SLC25A12: variants seen among roughly 807,000 people sequenced by gnomAD.
SLC25A12 encodes solute carrier family 25 member 12.
A neutral mutation model predicts 83.3 loss-of-function variants in SLC25A12; 32 were observed. The ratio of observed to expected loss-of-function variants is 0.38; its 90% confidence interval spans 0.29 to 0.52. The LOEUF is 0.52. Ranked by LOEUF, SLC25A12 falls within the 20% of genes least tolerant of loss-of-function variation. The probability of loss-of-function intolerance (pLI) is 0.84; values close to 1 mark genes in which losing one functional copy is unlikely to be tolerated. For synonymous variants in SLC25A12, 267 were observed against 291.1 expected (o/e 0.92, Z 0.84); for missense variants, 611 against 835.6 (o/e 0.73, Z 3.31).
intron 2 of SLC25A12, among the ~76,000 whole-genome samples, chr2:171,885,240 T>G (rs1321858222): frequency 6.6e-6 from 1 of 151,940 alleles, no homozygotes; most frequent in African/African-American, 2.4e-5. Flanking sequence ...TAACACTAAT[T>G]TTCTTATCTT....
intron 2 of SLC25A12, 63 bp from the exon 3 acceptor site, chr2:171,868,886 A>G (rs1685402056): frequency 1.4e-6 from 2 of 1,387,832 alleles, no homozygotes; most frequent in Admixed American, 1.8e-5. Flanking sequence ...TATCCAATAA[A>G]TGGTTTGTGA....
chr2:171,819,320 A>G (rs1481072646), intron 9 of SLC25A12, among the ~76,000 whole-genome samples: 2 of 125,118 alleles, frequency 1.6e-5, no homozygotes, highest in African/African-American at 3.0e-5. Flanking sequence ...TATATATAAT[A>G]CATAATATAT....
intron 13 of SLC25A12, among the ~76,000 whole-genome samples, chr2:171,795,479 GAA>G (rs1683579017): frequency 6.6e-6 from 1 of 152,166 alleles, no homozygotes; most frequent in African/African-American, 2.4e-5. Flanking sequence ...CAAATCAATT[GAA>G]AAAGTTTACT....
intron 5 of SLC25A12, among the ~76,000 whole-genome samples, chr2:171,840,490 A>C (rs576553656): frequency 6.6e-6 from 1 of 152,252 alleles, no homozygotes; most frequent in East Asian, 1.9e-4. Flanking sequence ...CTTTAAAAAA[A>C]CAACAAAGAA....
chr2:171,823,252 T>A (rs959268017), intron 9 of SLC25A12, among the ~76,000 whole-genome samples: 23 of 152,230 alleles, frequency 1.5e-4, no homozygotes, highest in Non-Finnish European at 3.4e-4. Flanking sequence ...CCTTATAAAA[T>A]TTTAAATGTT....
chr2:171,876,408 G>T (rs1685571607), intron 2 of SLC25A12, among the ~76,000 whole-genome samples: 1 of 152,082 alleles, frequency 6.6e-6, no homozygotes, highest in African/African-American at 2.4e-5. Context: ...AGGGAGTTTA[G>T]ATCTGAAACT....
chr2:171,805,122 T>G (rs1422368988), intron 13 of SLC25A12, among the ~76,000 whole-genome samples: 4 of 151,854 alleles, frequency 2.6e-5, no homozygotes, highest in South Asian at 2.1e-4. Context: ...TTGTTTTTTT[T>G]TTTTGAGACA....
chr2:171,878,825 AAGTACTG>A (rs746383534), intron 2 of SLC25A12, among the ~76,000 whole-genome samples: 2 of 152,238 alleles, frequency 1.3e-5, no homozygotes, highest in Non-Finnish European at 2.9e-5. Flanking sequence ...GTACCAAGGC[AAGTACTG>A]AGTATATGAA....
At position 171,848,620 on chromosome 2, in the gene SLC25A12, G is replaced by T. The variant is rs147063249; in HGVS notation, c.326-4112C>A. Among the ~76,000 whole-genome samples, 476 of 152,106 alleles carry T rather than the reference G, an allele frequency of 3.1e-3. 5 individuals carry two copies. Among genetic ancestry groups the T allele is most frequent in the African/African-American group, 0.011 (467 of 41,404 alleles). ...GAGGAACAACTGGGAAGCCAAAAAA[G>T]AAAACAAAGGAAAACAAACAACAAC... is the stretch of plus-strand genomic sequence containing the variant. On this transcript the variant is annotated intron_variant, in intron 4 of 17. Coordinates refer to ENST00000422440, the MANE Select transcript of SLC25A12 (RefSeq NM_003705.5).
At position 171,867,502 on chromosome 2, in the gene SLC25A12, G is replaced by C. The variant is rs946984604; in HGVS notation, c.209+1179C>G. ...ACGAAAACCAGTCAGGTGTGGCGGC[G>C]TGCGCCTGCAATCGCAGGCTGAGGC... is the stretch of plus-strand genomic sequence containing the variant. On this transcript the variant is annotated intron_variant, in intron 3 of 17. Coordinates refer to ENST00000422440, the MANE Select transcript of SLC25A12 (RefSeq NM_003705.5). 2.1e-4 allele frequency among the ~76,000 whole-genome samples: 31 copies of C among 150,776 alleles called. No homozygotes were observed. The East Asian group carries it at 5.2e-3, about 25-fold the overall frequency.
intron 12 of SLC25A12, 82 bp downstream of exon 12, chr2:171,810,142 A>C: frequency 1.7e-6 from 2 of 1,193,654 alleles, no homozygotes; most frequent in Non-Finnish European, 2.5e-6. Context: ...GGCATGAGCT[A>C]CCACGCCTAG....
chr2:171,890,655 A>G (rs1283969186), intron 2 of SLC25A12, among the ~76,000 whole-genome samples: 3 of 152,178 alleles, frequency 2.0e-5, no homozygotes, highest in African/African-American at 2.4e-5. Context: ...CTAATTTTTA[A>G]AATTTTTTGC....
chr2:171,825,059 T>G (rs1338579491), intron 9 of SLC25A12, among the ~76,000 whole-genome samples: 1 of 152,142 alleles, frequency 6.6e-6, no homozygotes, highest in Non-Finnish European at 1.5e-5. Context: ...TCTGCCTGCC[T>G]CAGGCTCCCA....
chr2:171,880,995 A>C (rs1280772859), intron 2 of SLC25A12, among the ~76,000 whole-genome samples: 1 of 152,220 alleles, frequency 6.6e-6, no homozygotes, highest in Non-Finnish European at 1.5e-5. Context: ...GGGAATACTA[A>C]TCGTTCCTAC....
chr2:171,843,344 T>C (rs2105894510), intron 5 of SLC25A12, among the ~76,000 whole-genome samples: 1 of 152,076 alleles, frequency 6.6e-6, no homozygotes, highest in Non-Finnish European at 1.5e-5. Context: ...CTAAGAACAA[T>C]AACTTTAGGC....
At chr2:171,800,716 A>T (rs1458499645) in intron 13 of SLC25A12, among the ~76,000 whole-genome samples, 1 of 152,248 alleles carries the variant, frequency 6.6e-6, no homozygotes, top group Non-Finnish European at 1.5e-5. Context: ...AACATCCATC[A>T]AGAGAAAAAT....
chr2:171,878,802 A>C (rs1248738877), intron 2 of SLC25A12, among the ~76,000 whole-genome samples: 1 of 152,242 alleles, frequency 6.6e-6, no homozygotes, highest in African/African-American at 2.4e-5. Flanking sequence ...TGAACAATAA[A>C]AGAGGACAAT....
Position 171,791,593 on chromosome 2 carries a change from T to C in SLC25A12, c.1447-4A>G, listed in dbSNP as rs1558906989. The C allele has an allele frequency of 3.1e-6, 5 of 1,613,772 alleles. No homozygotes were observed. In the South Asian group the frequency reaches 4.4e-5, roughly 14 times the overall value. ...GGAGGAAACACGCTTTGGCACCCTG[T>C]CACACAGTGAGGAAATAGTGCAAAA... On this transcript the variant is annotated splice_region_variant and splice_polypyrimidine_tract_variant and intron_variant, in intron 14 of 17. Coordinates refer to ENST00000422440, the MANE Select transcript of SLC25A12 (RefSeq NM_003705.5).
intron 4 of SLC25A12, among the ~76,000 whole-genome samples, chr2:171,847,432 G>A (rs552061871): frequency 2.0e-5 from 3 of 152,306 alleles, no homozygotes; most frequent in African/African-American, 7.2e-5. Flanking sequence ...AACAGCTGGT[G>A]TTTTTATGTT....
Sources: allele counts gnomAD v4.1 joint callset (sites outside exome capture counted in the v4.1 genomes callset), GRCh38; gene constraint gnomAD v4.1.1; transcripts MANE v1.5; gene names NCBI Gene and HGNC (gene_info 2026-07-23, HGNC 2026-07-21).